FGF12: variants seen among roughly 807,000 people sequenced by gnomAD.
The protein encoded by FGF12 is fibroblast growth factor 12B.
A neutral mutation model predicts 23.6 loss-of-function variants in FGF12; 14 were observed. That is an observed-to-expected ratio of 0.59 (90% CI 0.39 to 0.93). The LOEUF is 0.93. FGF12 is among the 40% of genes least tolerant of loss of function. The pLI is 0.00. For synonymous variants in FGF12, 62 were observed against 77.3 expected (o/e 0.80, Z 1.04); for missense variants, 175 against 217.8 (o/e 0.80, Z 1.24).
rs111447729 is a variant in FGF12 at position 192,564,037 on chromosome 3, GTTTT to G, written c.13+163140_13+163143del. Reference sequence around the variant, plus strand: ...AAAATTAGACTATGTGTAGTTTTTTGTTTTTTTTTGTTTGTTTTTTGTTTTTGTT... The same window carrying G: ...AAAATTAGACTATGTGTAGTTTTTTGTTTTTGTTTGTTTTTTGTTTTTGTT... On this transcript the variant is annotated intron_variant, in intron 2 of 5. Coordinates refer to ENST00000445105, the MANE Select transcript of FGF12 (RefSeq NM_004113.6). Among the ~76,000 whole-genome samples the G allele has an allele frequency of 6.6e-5, 9 of 135,626 alleles. No individual in the cohort carries two copies. The East Asian group carries it at 1.7e-3, about 26-fold the overall frequency. 89.0% of individuals were successfully genotyped at this position (135,626 alleles called of 152,430 possible). A position where few individuals can be genotyped will look rare whatever the true frequency, so the allele number is the denominator to read the frequency against.
chr3:192,176,803 T>TGCAA (rs1420396543), intron 4 of FGF12, among the ~76,000 whole-genome samples: 3 of 152,222 alleles, frequency 2.0e-5, no homozygotes, highest in Non-Finnish European at 2.9e-5. Flanking sequence ...ATTTATAGGT[T>TGCAA]GCAAGCAAAT....
intron 2 of FGF12, among the ~76,000 whole-genome samples, chr3:192,399,024 T>C (rs1720646258): frequency 6.6e-6 from 1 of 152,022 alleles, no homozygotes; most frequent in Admixed American, 6.6e-5. Context: ...GCTTAGGAAC[T>C]GAAGTTTTCA....
chr3:192,172,059 T>G (rs1231210887), intron 4 of FGF12, among the ~76,000 whole-genome samples: 9 of 152,120 alleles, frequency 5.9e-5, no homozygotes, highest in African/African-American at 2.2e-4. Context: ...TTTTGAATAG[T>G]TCCAACATTA....
chr3:192,656,050 A>C (rs866999803), intron 2 of FGF12, among the ~76,000 whole-genome samples: 3,419 of 151,864 alleles, frequency 0.023, 51 homozygotes, highest in Middle Eastern at 0.065. Flanking sequence ...CAAAAAAAAA[A>C]AAAAAAAAAA....
At chr3:192,224,091 C>A (rs553135889) in intron 4 of FGF12, among the ~76,000 whole-genome samples, 1 of 152,146 alleles carries the variant, frequency 6.6e-6, no homozygotes, top group Non-Finnish European at 1.5e-5. Flanking sequence ...TGTAAGATAC[C>A]TGGAGAGTTG....
chr3:192,348,341 T>C (rs1005501256), intron 3 of FGF12, among the ~76,000 whole-genome samples: 4 of 152,216 alleles, frequency 2.6e-5, no homozygotes, highest in Non-Finnish European at 4.4e-5. Flanking sequence ...GAATAATACA[T>C]GAAAATATAT....
chr3:192,294,085 G>A (rs1714906912), intron 4 of FGF12, among the ~76,000 whole-genome samples: 1 of 152,092 alleles, frequency 6.6e-6, no homozygotes, highest in Admixed American at 6.6e-5. Context: ...GTTTTATAAG[G>A]GGTTTCCGCT....
intron 2 of FGF12, among the ~76,000 whole-genome samples, chr3:192,549,070 C>A (rs969002481): frequency 9.9e-5 from 15 of 152,154 alleles, no homozygotes; most frequent in Admixed American, 3.3e-4. Context: ...CTAAACCATA[C>A]CAGGCAAGCT....
At chr3:192,445,496 A>G (rs909620126) in intron 2 of FGF12, among the ~76,000 whole-genome samples, 1 of 152,082 alleles carries the variant, frequency 6.6e-6, no homozygotes, top group Non-Finnish European at 1.5e-5. Context: ...AGCTTTCCCA[A>G]TTTATTCTAG....
At chr3:192,503,676 G>T (rs1724204206) in intron 2 of FGF12, among the ~76,000 whole-genome samples, 1 of 146,566 alleles carries the variant, frequency 6.8e-6, no homozygotes, top group Admixed American at 7.0e-5. Flanking sequence ...CGCAATCTCG[G>T]CTCACTGCAA....
At chr3:192,725,346 C>G (rs1719176204) in intron 2 of FGF12, among the ~76,000 whole-genome samples, 1 of 151,226 alleles carries the variant, frequency 6.6e-6, no homozygotes, top group South Asian at 2.1e-4. Flanking sequence ...TGTTGGCCTA[C>G]AGCAAAAGTC....
intron 2 of FGF12, among the ~76,000 whole-genome samples, chr3:192,405,763 T>C (rs1016590897): frequency 6.6e-6 from 1 of 152,240 alleles, no homozygotes; most frequent in African/African-American, 2.4e-5. Flanking sequence ...AATAGACTTA[T>C]TCCATGCTAT....
At chr3:192,397,237 A>T (rs1381605129) in intron 2 of FGF12, among the ~76,000 whole-genome samples, 2 of 152,274 alleles carry the variant, frequency 1.3e-5, no homozygotes, top group East Asian at 3.9e-4. Flanking sequence ...AATGCTGCCA[A>T]CTCCTTTCCT....
chr3:192,297,208 C>T (rs1054186184), intron 4 of FGF12, among the ~76,000 whole-genome samples: 1 of 152,046 alleles, frequency 6.6e-6, no homozygotes, highest in Non-Finnish European at 1.5e-5. Context: ...GCGTCATAGC[C>T]CACAAACAAG....
At chr3:192,158,676 CT>C (rs1278931161) in intron 5 of FGF12, among the ~76,000 whole-genome samples, 1 of 26,680 alleles carries the variant, frequency 3.7e-5, no homozygotes, top group Non-Finnish European at 1.7e-4. Context: ...CTCCCTCCCT[CT>C]CTCTCTCTCT....
At chr3:192,437,220 A>C (rs1490780214) in intron 2 of FGF12, among the ~76,000 whole-genome samples, 1 of 152,188 alleles carries the variant, frequency 6.6e-6, no homozygotes, top group African/African-American at 2.4e-5. Flanking sequence ...CAGACTACAA[A>C]AAAATACTAA....
intron 4 of FGF12, among the ~76,000 whole-genome samples, chr3:192,305,108 A>G (rs895355689): frequency 6.6e-6 from 1 of 152,204 alleles, no homozygotes; most frequent in African/African-American, 2.4e-5. Flanking sequence ...AGATGGAAAC[A>G]GAAGAAAGAA....
intron 2 of FGF12, among the ~76,000 whole-genome samples, chr3:192,671,503 G>T (rs746188898): frequency 1.3e-5 from 2 of 152,070 alleles, no homozygotes; most frequent in African/African-American, 4.8e-5. Context: ...TTAACCCAAC[G>T]TTTGGTAGAC....
chr3:192,533,981 T>A (rs540032467), intron 2 of FGF12: 1 of 152,220 alleles, frequency 6.6e-6, no homozygotes, highest in East Asian at 1.9e-4. Context: ...TGAATTTTTA[T>A]AAGATGACAG....
Sources: allele counts gnomAD v4.1 joint callset (sites outside exome capture counted in the v4.1 genomes callset), GRCh38; gene constraint gnomAD v4.1.1; transcripts MANE v1.5; gene names NCBI Gene and HGNC (gene_info 2026-07-23, HGNC 2026-07-21).